SOX5: variants seen among roughly 807,000 people sequenced by gnomAD.
SOX5 encodes the protein SRY-box transcription factor 5.
SOX5 carries 9 observed loss-of-function variants against 92.0 expected under a neutral mutation model. That is an observed-to-expected ratio of 0.10 (90% CI 0.06 to 0.17). SOX5 has a LOEUF of 0.17. Among genes scored for constraint, SOX5 ranks in the 10% least tolerant of loss-of-function variants. The pLI is 1.00. For missense variants in SOX5, 642 were observed against 944.5 expected (o/e 0.68, Z 4.20); for synonymous variants, 344 against 336.3 (o/e 1.02, Z -0.25).
At chr12:24,509,960 A>G (rs1772739333) in intron 1 of SOX5, among the ~76,000 whole-genome samples, 1 of 152,252 alleles carries the variant, frequency 6.6e-6, no homozygotes, top group African/African-American at 2.4e-5. Context: ...AATTTCAAAA[A>G]TATCAACCAC....
intron 4 of SOX5, among the ~76,000 whole-genome samples, chr12:24,138,807 C>G (rs1950319845): frequency 6.6e-6 from 1 of 152,150 alleles, no homozygotes; most frequent in African/African-American, 2.4e-5. Context: ...CTATGCACAT[C>G]TACAGGATGA....
At chr12:23,793,171 T>G (rs931941650) in intron 3 of SOX5, among the ~76,000 whole-genome samples, 5 of 152,204 alleles carry the variant, frequency 3.3e-5, no homozygotes, top group Non-Finnish European at 5.9e-5. Flanking sequence ...TATACATTTG[T>G]ATATTTTTCA....
chr12:24,491,560 C>CA lies in SOX5; in HGVS notation c.-251+70768dup, dbSNP rs1018425437. The stretch of plus-strand genomic sequence containing the variant: ...AACCAAACTTTTTAAAGTAAAAATG[C>CA]AAAAAAAGTCCTTTGAAGTACAGAG... On this transcript the variant is annotated intron_variant, in intron 1 of 4. Transcript: ENST00000446891. Among the ~76,000 whole-genome samples the CA allele has an allele frequency of 1.2e-3, 185 of 151,516 alleles. 2 individuals are homozygous for CA. Among genetic ancestry groups the CA allele is most frequent in the African/African-American group, 3.9e-4 (16 of 41,320 alleles).
intron 1 of SOX5, among the ~76,000 whole-genome samples, chr12:24,404,540 C>A (rs966080120): frequency 6.6e-6 from 1 of 152,140 alleles, no homozygotes; most frequent in Non-Finnish European, 1.5e-5. Context: ...TGTCTAAGAG[C>A]TTTTTCCTAG....
chr12:24,078,749 C>T (rs1000906337), intron 4 of SOX5, among the ~76,000 whole-genome samples: 1 of 152,034 alleles, frequency 6.6e-6, no homozygotes, highest in African/African-American at 2.4e-5. Context: ...AAAGCCTCAA[C>T]TTCACATATT....
At chr12:24,052,729 T>C (rs1957683118) in intron 4 of SOX5, among the ~76,000 whole-genome samples, 1 of 152,222 alleles carries the variant, frequency 6.6e-6, no homozygotes, top group Non-Finnish European at 1.5e-5. Context: ...ATACATAAAC[T>C]TCAACCAGAT....
intron 4 of SOX5, among the ~76,000 whole-genome samples, chr12:24,173,254 A>T (rs1954405422): frequency 6.6e-6 from 1 of 152,256 alleles, no homozygotes; most frequent in African/African-American, 2.4e-5. Context: ...GTATCTGCAA[A>T]CAAGATGGTT....
At chr12:23,853,743 A>T (rs2096658726) in intron 2 of SOX5, among the ~76,000 whole-genome samples, 1 of 152,164 alleles carries the variant, frequency 6.6e-6, no homozygotes, top group Non-Finnish European at 1.5e-5. Context: ...CCGTAAAAAC[A>T]AAGAACATTT....
rs553504780 is a variant in SOX5, at chr12:23,648,643, GTGGTA to G, written c.932-7751_932-7747del. On this transcript the variant is annotated intron_variant, in intron 7 of 14. Coordinates refer to ENST00000451604, the MANE Select transcript of SOX5 (RefSeq NM_006940.6). ...GGTGGTCATCTACAGGCTGCAAAGA[GTGGTA>G]TCAGAAGAAACAACCTGCTGACACT... Among the ~76,000 whole-genome samples the G allele has an allele frequency of 2.8e-3, 430 of 152,266 alleles. 2 individuals carry two copies. Among genetic ancestry groups the G allele is most frequent in the South Asian group, 6.6e-3 (32 of 4,830 alleles).
chr12:23,715,822 A>AAAAAAAAC lies in SOX5; in HGVS notation c.810+18861_810+18862insGTTTTTTT, dbSNP rs1431866354. 6.0e-3 allele frequency among the ~76,000 whole-genome samples: 892 copies of AAAAAAAAC among 149,592 alleles called. 13 individuals carry two copies. The highest frequency in any genetic ancestry group is 0.022 in the African/African-American group (863 of 39,530). ...GTAGTAATTTCCCAAAAAAAAAAAA[A>AAAAAAAAC]AAAAAAAAAAACTTGGCCTCAAAGG... On this transcript the variant is annotated intron_variant, in intron 6 of 14. Coordinates refer to ENST00000451604, the MANE Select transcript of SOX5 (RefSeq NM_006940.6).
Position 23,530,818 on chromosome 12 carries a change from T to TGTGTGTGCGCGCGCGC in SOX5, c.*3400_*3401insGCGCGCGCGCACACAC. The TGTGTGTGCGCGCGCGC allele has an allele frequency of 7.6e-6, 1 of 132,052 alleles. No homozygotes were observed. Among genetic ancestry groups the TGTGTGTGCGCGCGCGC allele is most frequent in the South Asian group, 2.7e-4 (1 of 3,720 alleles). The allele number at this position is 132,052 out of a possible 1,614,324, so 8.2% of individuals were successfully genotyped here. A position where few individuals can be genotyped will look rare whatever the true frequency, so the allele number is the denominator to read the frequency against. On this transcript the variant is annotated 3_prime_UTR_variant, in exon 15 of 15. Coordinates refer to ENST00000451604, the MANE Select transcript of SOX5 (RefSeq NM_006940.6). ...GGGCAAGTGTGTGTGTGTGTGTGTG[T>TGTGTGTGCGCGCGCGC]GCGCGCGCGCGCGCGCGCATGTGAG...
chr12:23,891,241 C>T (rs1333347126), intron 2 of SOX5, among the ~76,000 whole-genome samples: 1 of 152,104 alleles, frequency 6.6e-6, no homozygotes, highest in Non-Finnish European at 1.5e-5. Flanking sequence ...ATTTGTTTCT[C>T]CAAAATAGTG....
chr12:23,607,855 G>C (rs1486064039), intron 8 of SOX5, among the ~76,000 whole-genome samples: 1 of 152,086 alleles, frequency 6.6e-6, no homozygotes, highest in Non-Finnish European at 1.5e-5. Context: ...AATAATAACA[G>C]ATAAAACCCA....
At chr12:23,863,519 T>C (rs1272124467) in intron 2 of SOX5, among the ~76,000 whole-genome samples, 3 of 152,176 alleles carry the variant, frequency 2.0e-5, no homozygotes, top group Non-Finnish European at 4.4e-5. Context: ...TATTGTGTCA[T>C]ATGGCTTCTC....
chr12:23,698,626 G>T (rs1410102622), intron 6 of SOX5, among the ~76,000 whole-genome samples: 2 of 151,972 alleles, frequency 1.3e-5, no homozygotes, highest in African/African-American at 2.4e-5. Context: ...TAACATCTAT[G>T]CCACTTTTGA....
At chr12:24,013,851 T>C (rs1225311029) in intron 4 of SOX5, among the ~76,000 whole-genome samples, 2 of 152,354 alleles carry the variant, frequency 1.3e-5, no homozygotes, top group Middle Eastern at 3.4e-3. Context: ...TTATACATCC[T>C]ATTTCACATG....
intron 6 of SOX5, among the ~76,000 whole-genome samples, chr12:23,706,396 T>C (rs1233701376): frequency 6.6e-6 from 1 of 152,108 alleles, no homozygotes; most frequent in Non-Finnish European, 1.5e-5. Flanking sequence ...TATCTAGTTA[T>C]GCAGATAAAT....
intron 3 of SOX5, among the ~76,000 whole-genome samples, chr12:23,817,337 T>C (rs573122921): frequency 8.7e-4 from 133 of 152,332 alleles, no homozygotes; most frequent in Non-Finnish European, 1.6e-3. Context: ...TCCTCTACTC[T>C]TTAAAGTAAG....
chr12:24,417,785 G>T (rs904798185), intron 1 of SOX5, among the ~76,000 whole-genome samples: 1 of 152,184 alleles, frequency 6.6e-6, no homozygotes, highest in Non-Finnish European at 1.5e-5. Context: ...AAACATGGTG[G>T]TGGTGGTGCT....
Sources: allele counts gnomAD v4.1 joint callset (sites outside exome capture counted in the v4.1 genomes callset), GRCh38; gene constraint gnomAD v4.1.1; transcripts MANE v1.5; gene names NCBI Gene and HGNC (gene_info 2026-07-23, HGNC 2026-07-21).